TMEM38B: variants seen among roughly 807,000 people sequenced by gnomAD.
The protein encoded by TMEM38B is transmembrane protein 38B.
In TMEM38B, 24 loss-of-function variants were observed where a neutral mutation model predicts 28.7. The ratio of observed to expected loss-of-function variants is 0.84; its 90% CI spans 0.61 to 1.18. TMEM38B has a LOEUF of 1.18. Ranked by LOEUF, TMEM38B falls within the 50% of genes most tolerant of loss-of-function variation. The probability of loss-of-function intolerance (pLI) is 0.00; values close to 1 mark genes in which losing one functional copy is unlikely to be tolerated. For missense variants in TMEM38B, 380 were observed against 350.9 expected (o/e 1.08, Z -0.66); for synonymous variants, 131 against 127.7 (o/e 1.03, Z -0.17).
chr9:105,730,026 G>A (rs1382806133), intron 4 of TMEM38B, among the ~76,000 whole-genome samples: 1 of 152,172 alleles, frequency 6.6e-6, no homozygotes, highest in African/African-American at 2.4e-5. Context: ...TCTGAAAACA[G>A]AGACAATTTG....
chr9:105,753,553 A>G (rs1475931420), intron 5 of TMEM38B, among the ~76,000 whole-genome samples: 1 of 152,232 alleles, frequency 6.6e-6, no homozygotes, highest in Non-Finnish European at 1.5e-5. Context: ...AGAATTTCAT[A>G]TCCAGCCAAA....
At chr9:105,729,584 A>C (rs1836654189) in intron 4 of TMEM38B, among the ~76,000 whole-genome samples, 1 of 151,984 alleles carries the variant, frequency 6.6e-6, no homozygotes, top group South Asian at 2.1e-4. Context: ...GTTTCCATAT[A>C]AACTTTAAAG....
Position 105,696,284 on chromosome 9 carries a change from CATT to C in TMEM38B, c.112+1528_112+1530del, listed in dbSNP as rs561902048. Among the ~76,000 whole-genome samples, 183 of 151,974 alleles carry C rather than the reference CATT, an allele frequency of 1.2e-3. 1 individual carries two copies. The highest frequency in any genetic ancestry group is 4.2e-3 in the African/African-American group (175 of 41,488). Reference sequence around the variant, plus strand: ...TTATTTTTCATAAAGAATACATTATCATTATTATTATTATTATTTTTGAGACGG... The same window carrying C: ...TTATTTTTCATAAAGAATACATTATCATTATTATTATTATTTTTGAGACGG... On this transcript the variant is annotated intron_variant, in intron 1 of 5. Transcript: ENST00000374692.
intron 1 of TMEM38B, chr9:105,702,900 G>C (rs541260086): frequency 6.6e-6 from 1 of 151,976 alleles, no homozygotes; most frequent in East Asian, 1.9e-4. Flanking sequence ...AGCTGGTCTC[G>C]ACCTCCTGGA....
intron 4 of TMEM38B, among the ~76,000 whole-genome samples, chr9:105,733,703 AT>A (rs1169839683): frequency 6.6e-6 from 1 of 151,478 alleles, no homozygotes; most frequent in Non-Finnish European, 1.5e-5. Flanking sequence ...TTGGTTGGTT[AT>A]TTTTTTAAGG....
At chr9:105,706,605 T>C (rs10118720) in intron 2 of TMEM38B, among the ~76,000 whole-genome samples, 65,120 of 152,020 alleles carry the variant, frequency 0.43, 16,082 homozygotes, top group African/African-American at 0.68. Flanking sequence ...AAAACAAGAA[T>C]TGGCTAAATA....
intron 3 of TMEM38B, among the ~76,000 whole-genome samples, chr9:105,722,063 A>G (rs1198566127): frequency 2.6e-5 from 4 of 152,178 alleles, no homozygotes; most frequent in Non-Finnish European, 4.4e-5. Flanking sequence ...AATAAAAAAT[A>G]TTGCTCTGTC....
intron 4 of TMEM38B, among the ~76,000 whole-genome samples, chr9:105,727,654 G>A (rs1836563550): frequency 6.6e-6 from 1 of 152,136 alleles, no homozygotes; most frequent in Non-Finnish European, 1.5e-5. Flanking sequence ...TTGGATTAGG[G>A]ATGCTCAACC....
At chr9:105,759,055 C>G (rs1354360417) in intron 5 of TMEM38B, 1 of 827,052 alleles carries the variant, frequency 1.2e-6, no homozygotes, top group Admixed American at 1.7e-5. Flanking sequence ...GATGACCTCC[C>G]TCACTGGGTA....
chr9:105,765,792 T>TTTC (rs1826352056), intron 5 of TMEM38B, among the ~76,000 whole-genome samples: 1 of 152,100 alleles, frequency 6.6e-6, no homozygotes, highest in East Asian at 1.9e-4. Context: ...AGACACATAT[T>TTTC]TTCTTTTTTT....
At chr9:105,733,305 T>G (rs1352442143) in intron 4 of TMEM38B, among the ~76,000 whole-genome samples, 1 of 152,192 alleles carries the variant, frequency 6.6e-6, no homozygotes, top group Non-Finnish European at 1.5e-5. Flanking sequence ...AGCCATCTCT[T>G]GATGGACACC....
intron 5 of TMEM38B, chr9:105,760,659 C>G: frequency 1.1e-6 from 1 of 938,504 alleles, no homozygotes; most frequent in Non-Finnish European, 1.8e-6. Context: ...GATTTCCAAC[C>G]ACGGAGATTG....
chr9:105,715,338 C>T (rs1004880279), intron 2 of TMEM38B, among the ~76,000 whole-genome samples: 1 of 151,784 alleles, frequency 6.6e-6, no homozygotes, highest in African/African-American at 2.4e-5. Context: ...TTTTCTAGAT[C>T]CCTAAAGATT....
At chr9:105,740,027 T>G (rs986842979) in intron 4 of TMEM38B, among the ~76,000 whole-genome samples, 1 of 150,146 alleles carries the variant, frequency 6.7e-6, no homozygotes, top group Non-Finnish European at 1.5e-5. Flanking sequence ...GGATTACAGG[T>G]GCACACCACC....
rs1835269689 is a variant in TMEM38B, at chr9:105,695,861, T to C, written c.112+1089T>C. On this transcript the variant is annotated intron_variant, in intron 1 of 5. Coordinates refer to ENST00000374692, the MANE Select transcript of TMEM38B (RefSeq NM_018112.3). ...CAAATTTTGACCTGGATGAGGATGG[T>C]ATTACTGCATTAAAGTAGAACACAT... 2.0e-5 allele frequency among the ~76,000 whole-genome samples: 3 copies of C among 152,364 alleles called. No individual in the cohort carries two copies. The South Asian group carries it at 6.2e-4, about 32-fold the overall frequency.
intron 4 of TMEM38B, among the ~76,000 whole-genome samples, chr9:105,746,912 C>A (rs1283096321): frequency 6.6e-6 from 1 of 152,158 alleles, no homozygotes; most frequent in Non-Finnish European, 1.5e-5. Flanking sequence ...AGCCTTGCAT[C>A]CCAGGGACGA....
chr9:105,727,349 A>G (rs944703228), intron 4 of TMEM38B, among the ~76,000 whole-genome samples: 45 of 152,158 alleles, frequency 3.0e-4, no homozygotes, highest in African/African-American at 1.1e-3. Context: ...TTCATTCAGC[A>G]TAATGTCCTC....
intron 1 of TMEM38B, among the ~76,000 whole-genome samples, chr9:105,698,542 G>GT (rs1564382376): frequency 6.6e-6 from 1 of 151,592 alleles, no homozygotes. Context: ...ACATTATTAC[G>GT]TTTTTTAAAA....
chr9:105,709,619 G>A (rs775477597), intron 2 of TMEM38B, among the ~76,000 whole-genome samples: 40 of 152,190 alleles, frequency 2.6e-4, no homozygotes, highest in Non-Finnish European at 4.9e-4. Flanking sequence ...ATAAATATTT[G>A]CTGAACATAC....
Sources: gnomAD v4.1 joint callset for allele counts (sites outside exome capture counted in the v4.1 genomes callset) on GRCh38, gnomAD v4.1.1 for gene constraint, MANE v1.5 for transcripts, NCBI Gene and HGNC (gene_info 2026-07-23, HGNC 2026-07-21) for gene names.